The following SUFU variants were observed in gnomAD, a reference collection of about 807,000 sequenced individuals.
SUFU encodes SUFU negative regulator of hedgehog signaling.
A neutral mutation model predicts 58.9 loss-of-function variants in SUFU; 7 were observed. The observed-to-expected ratio is 0.12, with a 90% CI of 0.07 to 0.22. The LOEUF (loss-of-function observed/expected upper bound fraction) is 0.22. Ranked by LOEUF, SUFU falls within the 10% of genes least tolerant of loss-of-function variation. The pLI, the probability that SUFU is intolerant of heterozygous loss-of-function variation, is 1.00. For synonymous variants in SUFU, 232 were observed against 254.8 expected, an observed-to-expected ratio of 0.91 and a Z score of 0.85; for missense variants, 451 against 641.3, an observed-to-expected ratio of 0.70 and a Z score of 3.20.
At chr10:102,602,827 C>T (rs1195548921) in intron 8 of SUFU, among the ~76,000 whole-genome samples, 1 of 152,198 alleles carries the variant, frequency 6.6e-6, no homozygotes, top group African/African-American at 2.4e-5. Flanking sequence ...TTCAGCATTT[C>T]ACAACCCTTG....
chr10:102,602,498 A>G (rs1323934320), intron 8 of SUFU, among the ~76,000 whole-genome samples: 2 of 152,240 alleles, frequency 1.3e-5, no homozygotes, highest in African/African-American at 4.8e-5. Context: ...GGGGAGTTAA[A>G]TAACTCCTAT....
At chr10:102,613,780 G>C (rs970511764) in intron 8 of SUFU, among the ~76,000 whole-genome samples, 9 of 152,232 alleles carry the variant, frequency 5.9e-5, no homozygotes, top group African/African-American at 2.2e-4. Flanking sequence ...GGGGGCAGCT[G>C]AATTTGAAAG....
intron 3 of SUFU, among the ~76,000 whole-genome samples, chr10:102,584,388 C>T (rs1394328538): frequency 1.3e-5 from 2 of 152,030 alleles, no homozygotes; most frequent in Non-Finnish European, 2.9e-5. Flanking sequence ...TACTATGTTG[C>T]CCAGGCTGGT....
intron 2 of SUFU, among the ~76,000 whole-genome samples, chr10:102,547,084 T>A (rs1201439694): frequency 6.6e-6 from 1 of 152,248 alleles, no homozygotes; most frequent in Non-Finnish European, 1.5e-5. Flanking sequence ...AGTCTGTTTC[T>A]CAAGTTTTTG....
In SUFU at chr10:102,545,293, AT is replaced by A. The variant is rs1162195255; in HGVS notation, c.318-4656del. On this transcript the variant is annotated intron_variant, in intron 2 of 11. Transcript: ENST00000369902. ...GCCACCATGCCTGGCTAATTTTTGT[AT>A]TTTTTTTTTTTTTTTTTTTTGTAGA... Among the ~76,000 whole-genome samples, 397 of 106,258 alleles carry A rather than the reference AT, an allele frequency of 3.7e-3. 3 individuals carry two copies. The highest frequency in any genetic ancestry group is 1.0e-2 in the African/African-American group (279 of 28,036). The allele number at this position is 106,258 out of a possible 152,430, so 69.7% of individuals were successfully genotyped here.
At chr10:102,519,037 A>T (rs572607999) in intron 2 of SUFU, among the ~76,000 whole-genome samples, 20 of 149,354 alleles carry the variant, frequency 1.3e-4, no homozygotes, top group Middle Eastern at 7.0e-3. Flanking sequence ...GCTAGGCGGG[A>T]GGCTGAGGCA....
intron 3 of SUFU, among the ~76,000 whole-genome samples, chr10:102,551,887 G>T (rs1271237778): frequency 6.6e-6 from 1 of 150,812 alleles, no homozygotes; most frequent in Non-Finnish European, 1.5e-5. Context: ...ACCACGCCTG[G>T]CTAATTTTTT....
intron 3 of SUFU, among the ~76,000 whole-genome samples, chr10:102,581,607 A>G (rs561584675): frequency 2.6e-5 from 4 of 152,312 alleles, no homozygotes. Flanking sequence ...GAGCCTTCTC[A>G]GGAAGGAGGG....
chr10:102,610,329 G>T (rs1205971397), intron 8 of SUFU, among the ~76,000 whole-genome samples: 2 of 146,736 alleles, frequency 1.4e-5, no homozygotes, highest in Non-Finnish European at 3.0e-5. Context: ...GGAGGCGGAG[G>T]TTGCAGTGAG....
chr10:102,555,585 G>T (rs1254375076), intron 3 of SUFU, among the ~76,000 whole-genome samples: 1 of 152,216 alleles, frequency 6.6e-6, no homozygotes, highest in South Asian at 2.1e-4. Flanking sequence ...TGCCTGTGAA[G>T]TCTTAGGCAA....
Position 102,619,258 on chromosome 10 carries a change from C to G in SUFU, c.1296+1830C>G, listed in dbSNP as rs2063719383. The G allele has an allele frequency of 1.4e-6, 2 of 1,464,762 alleles. No individual in the cohort carries two copies. 90.7% of individuals were successfully genotyped at this position (1,464,762 alleles called of 1,614,324 possible). On this transcript the variant is annotated intron_variant, in intron 10 of 11. Coordinates refer to ENST00000369902, the MANE Select transcript of SUFU (RefSeq NM_016169.4). The surrounding 1 kb of genome is among the most constrained non-coding windows in gnomAD (Gnocchi z 4.2). ...ACCCCAATTCCCCAAGCCCCTGACC[C>G]CCTAGCTGCCGGGGTTCCCACTCCC... is the stretch of plus-strand genomic sequence containing the variant.
intron 3 of SUFU, among the ~76,000 whole-genome samples, chr10:102,568,947 T>TAC (rs1288544062): frequency 2.4e-5 from 2 of 82,562 alleles, no homozygotes; most frequent in African/African-American, 4.8e-5. Context: ...TATATATATA[T>TAC]ATATATATAT....
At chr10:102,565,265 G>A (rs1309270924) in intron 3 of SUFU, among the ~76,000 whole-genome samples, 1 of 152,208 alleles carries the variant, frequency 6.6e-6, no homozygotes, top group African/African-American at 2.4e-5. Flanking sequence ...AACTGACTTA[G>A]AGAATGTTTT....
At chr10:102,581,928 G>A (rs1418917787) in intron 3 of SUFU, among the ~76,000 whole-genome samples, 1 of 152,142 alleles carries the variant, frequency 6.6e-6, no homozygotes, top group Non-Finnish European at 1.5e-5. Context: ...CAAGTTGACA[G>A]ACCTGAGTCT....
At chr10:102,517,146 G>C (rs1401226430) in intron 2 of SUFU, among the ~76,000 whole-genome samples, 4 of 151,804 alleles carry the variant, frequency 2.6e-5, no homozygotes. Context: ...AAATTAGCTG[G>C]GCATGGTGGC....
At chr10:102,599,363 G>C in intron 7 of SUFU, 70 bp from the exon 8 acceptor site, 6 of 1,224,740 alleles carry the variant, frequency 4.9e-6, no homozygotes, top group Non-Finnish European at 7.3e-6. Flanking sequence ...GCTGAGCCAG[G>C]TTTCAAGAGC....
At chr10:102,517,731 G>A (rs749869058) in intron 2 of SUFU, among the ~76,000 whole-genome samples, 14 of 152,104 alleles carry the variant, frequency 9.2e-5, no homozygotes, top group Non-Finnish European at 1.8e-4. Context: ...TGTCTGGTGG[G>A]ATCTTATCCT....
chr10:102,589,595 G>A (rs2063374501), intron 3 of SUFU, among the ~76,000 whole-genome samples: 1 of 151,642 alleles, frequency 6.6e-6, no homozygotes, highest in Middle Eastern at 3.4e-3. Context: ...ACAGGTGCAC[G>A]CCACCACGCC....
chr10:102,541,957 T>C (rs1399779191), intron 2 of SUFU, among the ~76,000 whole-genome samples: 2 of 146,528 alleles, frequency 1.4e-5, no homozygotes, highest in Non-Finnish European at 3.0e-5. Flanking sequence ...CGATCTTGGC[T>C]CACTGCAACC....
Sources: allele counts gnomAD v4.1 joint callset (sites outside exome capture counted in the v4.1 genomes callset), GRCh38; gene constraint gnomAD v4.1.1; non-coding constraint Gnocchi (gnomAD v3.1); transcripts MANE v1.5; gene names NCBI Gene and HGNC (gene_info 2026-07-23, HGNC 2026-07-21).